Variants in TGIF1 observed in about 807,000 individuals in gnomAD.
The protein encoded by TGIF1 is homeobox protein TGIF1.
A neutral mutation model predicts 19.3 loss-of-function variants in TGIF1; 4 were observed. The ratio of observed to expected loss-of-function variants is 0.21; its 90% CI spans 0.10 to 0.47. TGIF1 has a LOEUF of 0.47. Ranked by LOEUF, TGIF1 falls within the 20% of genes least tolerant of loss-of-function variation. The pLI, the probability that TGIF1 is intolerant of heterozygous loss-of-function variation, is 0.98. For missense variants in TGIF1, 275 were observed against 341.4 expected, an observed-to-expected ratio of 0.81 and a Z score of 1.53; for synonymous variants, 122 against 129.3, an observed-to-expected ratio of 0.94 and a Z score of 0.38.
chr18:3,451,884 C>T lies in TGIF1; in HGVS notation c.16+1379C>T, dbSNP rs1317909699. On this transcript the variant is annotated intron_variant, in intron 1 of 2. Coordinates refer to ENST00000343820, the MANE Select transcript of TGIF1 (RefSeq NM_003244.4). This position sits in a 1 kb window ranked among gnomAD's most constrained non-coding sequence, Gnocchi z 5.4. Reference sequence around the variant, plus strand: ...GGCGTCCGAGACGCCCCGTGAAAGCCGTGCCGACCCTTGGGAGGACTGACA... The same window carrying T: ...GGCGTCCGAGACGCCCCGTGAAAGCTGTGCCGACCCTTGGGAGGACTGACA... The T allele has an allele frequency of 3.1e-5, 45 of 1,447,094 alleles. 1 individual carries two copies. In the Admixed American group the frequency reaches 3.4e-4, roughly 11 times the overall value. 89.6% of individuals were successfully genotyped at this position (1,447,094 alleles called of 1,614,324 possible).
intron 1 of TGIF1, chr18:3,415,421 T>G (rs1598849395): frequency 2.0e-6 from 1 of 494,260 alleles, no homozygotes. Context: ...GTAGACAGGG[T>G]TATTTCTCAG....
chr18:3,451,596 T>G lies in TGIF1; in HGVS notation c.16+1091T>G, dbSNP rs1174428255. 23 of 1,047,210 alleles carry G rather than the reference T, an allele frequency of 2.2e-5. No homozygotes were observed. The highest frequency in any genetic ancestry group is 2.6e-5 in the Non-Finnish European group (23 of 871,024). The allele number at this position is 1,047,210 out of a possible 1,614,324, so 64.9% of individuals were successfully genotyped here. On this transcript the variant is annotated intron_variant, in intron 1 of 2. Transcript: ENST00000343820. The surrounding 1 kb of genome is among the most constrained non-coding windows in gnomAD (Gnocchi z 5.4). The stretch of plus-strand genomic sequence containing the variant: ...GCCGCCTGGAGTTTGGAACTCCACA[T>G]TCTTTCAGACCCGGCCCGCTGCGGG...
At position 3,450,422 on chromosome 18, in the gene TGIF1, C is replaced by G; in HGVS notation, c.-68C>G. On this transcript the variant is annotated 5_prime_UTR_variant, in exon 1 of 3. It adds an upstream start codon to the 5' untranslated region. Transcript: ENST00000343820. ...GGCTGTGAAGGAGACGTTCGCTTAT[C>G]CCCTGTGTCCCCGCTCCTGGCCCCT... The G allele has an allele frequency of 1.3e-6, 2 of 1,551,040 alleles. No individual in the cohort carries two copies. The highest frequency in any genetic ancestry group is 1.7e-6 in the Non-Finnish European group (2 of 1,146,884).
intron 2 of TGIF1, among the ~76,000 whole-genome samples, chr18:3,421,767 T>A (rs199583632): frequency 2.1e-5 from 3 of 142,514 alleles, no homozygotes; most frequent in East Asian, 4.3e-4. Context: ...AATAAAAAAA[T>A]TAACTGTAAA....
chr18:3,437,403 C>T (rs1354145583), intron 2 of TGIF1, among the ~76,000 whole-genome samples: 1 of 152,124 alleles, frequency 6.6e-6, no homozygotes, highest in Non-Finnish European at 1.5e-5. Context: ...ATTAATTAAA[C>T]CTTTACCTAT....
At chr18:3,418,326 C>A (rs977055890) in intron 2 of TGIF1, 1 of 152,132 alleles carries the variant, frequency 6.6e-6, no homozygotes, top group Admixed American at 6.6e-5. Flanking sequence ...AGGCAGGCTG[C>A]GATCTATAGT....
At chr18:3,453,769 T>G (rs959266229) in intron 1 of TGIF1, 4 of 984,146 alleles carry the variant, frequency 4.1e-6, no homozygotes, top group Non-Finnish European at 3.6e-6. Context: ...TGTTGTGGCT[T>G]TCTCCACAAC....
chr18:3,445,707 G>C (rs1465404497), upstream of TGIF1, among the ~76,000 whole-genome samples: 1 of 92,706 alleles, frequency 1.1e-5, no homozygotes, highest in Non-Finnish European at 1.9e-5. Flanking sequence ...CTGGGTGACA[G>C]AGCAAGACTC....
At chr18:3,452,387 C>T (rs369286520) in intron 1 of TGIF1, 4 of 1,613,082 alleles carry the variant, frequency 2.5e-6, no homozygotes, top group African/African-American at 2.7e-5. Flanking sequence ...TGAAAGGTGA[C>T]GGGCTGAAGG....
chr18:3,416,121 A>C (rs1306202768), intron 1 of TGIF1, among the ~76,000 whole-genome samples: 1 of 152,216 alleles, frequency 6.6e-6, no homozygotes, highest in Non-Finnish European at 1.5e-5. Flanking sequence ...AGTTGTTATG[A>C]CCTTCTTGTA....
At chr18:3,427,235 C>T (rs994659291) in intron 2 of TGIF1, among the ~76,000 whole-genome samples, 53 of 150,460 alleles carry the variant, frequency 3.5e-4, no homozygotes, top group African/African-American at 4.9e-4. Flanking sequence ...TGAGCCACCG[C>T]GCCCAGCCAA....
In TGIF1 at chr18:3,450,360, A is replaced by T; in HGVS notation, c.-130A>T. The T allele has an allele frequency of 2.0e-6, 3 of 1,513,912 alleles. No individual in the cohort carries two copies. Among genetic ancestry groups the T allele is most frequent in the Non-Finnish European group, 2.7e-6 (3 of 1,127,186 alleles). The allele number at this position is 1,513,912 out of a possible 1,614,324, so 93.8% of individuals were successfully genotyped here. On this transcript the variant is annotated 5_prime_UTR_variant, in exon 1 of 3. Coordinates refer to ENST00000343820, the MANE Select transcript of TGIF1 (RefSeq NM_003244.4). ...GGATCAGAGCGTCCTGTTTAGCAAT[A>T]ACGGCTGGAGCACGTCCTACAAGTT...
upstream of TGIF1, among the ~76,000 whole-genome samples, chr18:3,447,169 A>G (rs1264148745): frequency 6.6e-6 from 1 of 152,180 alleles, no homozygotes; most frequent in Non-Finnish European, 1.5e-5. Flanking sequence ...ATAAGACGCC[A>G]AAAGGAACTA....
intron 1 of TGIF1, among the ~76,000 whole-genome samples, chr18:3,417,361 T>C (rs1026702403): frequency 2.0e-5 from 3 of 151,848 alleles, no homozygotes; most frequent in African/African-American, 7.3e-5. Flanking sequence ...GGTTTCACCA[T>C]GTTGGGCAGG....
At chr18:3,445,435 GAGA>G (rs1201881421), upstream of TGIF1, among the ~76,000 whole-genome samples, 5 of 152,000 alleles carry the variant, frequency 3.3e-5, no homozygotes, top group African/African-American at 4.8e-5. Flanking sequence ...GTTAAAAAAT[GAGA>G]AGAAGGCCGG....
At chr18:3,415,816 A>G (rs1001706283) in intron 1 of TGIF1, among the ~76,000 whole-genome samples, 5 of 152,298 alleles carry the variant, frequency 3.3e-5, no homozygotes, top group African/African-American at 9.6e-5. Context: ...CTGTCCAAGG[A>G]TACAACACCC....
Position 3,457,326 on chromosome 18 carries a change from G to C in TGIF1, c.244-39G>C, listed in dbSNP as rs1297618994. 6.2e-7 allele frequency: 1 copy of C among 1,608,760 alleles called. No individual in the cohort carries two copies. The highest frequency in any genetic ancestry group is 8.5e-7 in the Non-Finnish European group (1 of 1,176,044). On this transcript the variant is annotated intron_variant, in intron 2 of 2. Transcript: ENST00000343820. This position sits in a 1 kb window ranked among gnomAD's most constrained non-coding sequence, Gnocchi z 4.9. Reference sequence around the variant, plus strand: ...CATTCTCAGAACCCGTTGGCTGAGTGAATGAGGAAAATGTTAAAGCGTACC... The same window carrying C: ...CATTCTCAGAACCCGTTGGCTGAGTCAATGAGGAAAATGTTAAAGCGTACC...
chr18:3,433,148 A>G (rs1314165466), intron 2 of TGIF1, among the ~76,000 whole-genome samples: 3 of 151,390 alleles, frequency 2.0e-5, no homozygotes, highest in Non-Finnish European at 4.4e-5. Context: ...ATCTCAGCTC[A>G]CTGCAGCCTC....
chr18:3,449,089 C>T (rs1469080035), upstream of TGIF1, among the ~76,000 whole-genome samples: 2 of 152,290 alleles, frequency 1.3e-5, no homozygotes, highest in East Asian at 3.9e-4. Context: ...TTCTTCAAGT[C>T]AGCCAAACAG....
Sources: allele counts gnomAD v4.1 joint callset (sites outside exome capture counted in the v4.1 genomes callset), GRCh38; gene constraint gnomAD v4.1.1; non-coding constraint Gnocchi (gnomAD v3.1); transcripts MANE v1.5; gene names NCBI Gene and HGNC (gene_info 2026-07-23, HGNC 2026-07-21).